ABAT: variants seen among roughly 807,000 people sequenced by gnomAD.
ABAT encodes the protein 4-aminobutyrate aminotransferase, mitochondrial.
Under a neutral mutation model 64.6 loss-of-function variants are expected in ABAT, and 45 were observed. The observed-to-expected ratio is 0.70, with a 90% confidence interval of 0.55 to 0.89. ABAT has a LOEUF of 0.89. Among genes scored for constraint, ABAT ranks in the 40% least tolerant of loss-of-function variants. The pLI is 0.00. For missense variants in ABAT, 633 were observed against 658.4 expected (o/e 0.96, Z 0.42); for synonymous variants, 297 against 250.5 (o/e 1.19, Z -1.75).
rs1442361166 is a variant in ABAT, at chr16:8,781,472, A to C, written c.*42A>C. On this transcript the variant is annotated 3_prime_UTR_variant, in exon 16 of 16. Transcript: ENST00000268251. The surrounding 1 kb of genome is among the most constrained non-coding windows in gnomAD (Gnocchi z 4.5). ...ACAGTGAGAAAGCCCGGATCCCAACAGTTGTCAAATTGATTAGTTTGCCTA... is the reference window on the plus strand; with the variant it reads ...ACAGTGAGAAAGCCCGGATCCCAACCGTTGTCAAATTGATTAGTTTGCCTA... 2.5e-6 allele frequency: 4 copies of C among 1,611,972 alleles called. No individual in the cohort carries two copies. Among genetic ancestry groups the C allele is most frequent in the Non-Finnish European group, 2.5e-6 (3 of 1,178,562 alleles).
intron 3 of ABAT, among the ~76,000 whole-genome samples, chr16:8,747,877 G>A (rs926394950): frequency 2.0e-5 from 3 of 151,852 alleles, no homozygotes; most frequent in Non-Finnish European, 4.4e-5. Flanking sequence ...TTATCTTTCA[G>A]GTGGCTGAAT....
intron 1 of ABAT, among the ~76,000 whole-genome samples, chr16:8,680,767 G>C (rs1465303183): frequency 1.3e-5 from 2 of 152,094 alleles, no homozygotes; most frequent in Non-Finnish European, 2.9e-5. Context: ...ACTGTGGCAG[G>C]TGTGAAGCAA....
intron 2 of ABAT, among the ~76,000 whole-genome samples, chr16:8,741,242 C>T (rs539454638): frequency 8.5e-5 from 13 of 152,246 alleles, no homozygotes; most frequent in Middle Eastern, 3.4e-3. Context: ...TAATTCAAAC[C>T]GGTTTTTTGC....
chr16:8,690,609 C>T (rs4454975), intron 1 of ABAT, among the ~76,000 whole-genome samples: 32,623 of 152,064 alleles, frequency 0.21, 3,963 homozygotes, highest in East Asian at 0.62. Context: ...GTGCCTTGAG[C>T]GGATCCGATG....
chr16:8,769,073 G>C (rs1411268449), intron 11 of ABAT, 100 bp downstream of exon 11: 1 of 1,533,042 alleles, frequency 6.5e-7, no homozygotes, highest in African/African-American at 1.4e-5. Context: ...GGTTTATCTG[G>C]GGATCTGTGC....
chr16:8,734,662 T>C (rs2058859051), intron 1 of ABAT, among the ~76,000 whole-genome samples: 1 of 152,188 alleles, frequency 6.6e-6, no homozygotes, highest in South Asian at 2.1e-4. Context: ...ACAGGGTCCA[T>C]GAAGAGGAAT....
chr16:8,738,744 A>C (rs191050288), intron 2 of ABAT, among the ~76,000 whole-genome samples: 2 of 151,548 alleles, frequency 1.3e-5, no homozygotes, highest in African/African-American at 4.9e-5. Flanking sequence ...TCCCGGATTC[A>C]AGTGATCCTC....
chr16:8,766,176 C>G (rs757588026), intron 8 of ABAT, 32 bp from the exon 9 acceptor site: 7 of 1,610,424 alleles, frequency 4.3e-6, no homozygotes, highest in Non-Finnish European at 5.9e-6. Context: ...CCCAGAGCAT[C>G]TCTGAGATTT....
chr16:8,695,890 G>A (rs908153083), intron 1 of ABAT, among the ~76,000 whole-genome samples: 2 of 152,114 alleles, frequency 1.3e-5, no homozygotes, highest in African/African-American at 4.8e-5. Flanking sequence ...ATTAAACAAT[G>A]CACAGAACCT....
At position 8,776,997 on chromosome 16, in the gene ABAT, C is replaced by T; in HGVS notation, c.1269+507C>T. Reference sequence around the variant, plus strand: ...CACCGCAACCGCTGCCTCCTGGGTTCAGGAGATTCTCCGGCCTCAGCCTCC... The same window carrying T: ...CACCGCAACCGCTGCCTCCTGGGTTTAGGAGATTCTCCGGCCTCAGCCTCC... On this transcript the variant is annotated intron_variant, in intron 14 of 15. Transcript: ENST00000268251. This position sits in a 1 kb window ranked among gnomAD's most constrained non-coding sequence, Gnocchi z 4.4. Among the ~76,000 whole-genome samples, 1 of 152,216 alleles carries T rather than the reference C, an allele frequency of 6.6e-6. No homozygotes were observed. Among genetic ancestry groups the T allele is most frequent in the Non-Finnish European group, 1.5e-5 (1 of 68,036 alleles).
At chr16:8,773,659 A>G (rs2060185801) in intron 12 of ABAT, among the ~76,000 whole-genome samples, 1 of 152,136 alleles carries the variant, frequency 6.6e-6, no homozygotes, top group African/African-American at 2.4e-5. Context: ...TTATTCTTCT[A>G]TCTAACTGTA....
chr16:8,756,004 GCT>G (rs1185236901), intron 5 of ABAT, among the ~76,000 whole-genome samples: 29 of 152,064 alleles, frequency 1.9e-4, no homozygotes, highest in African/African-American at 6.0e-4. Context: ...AGCCGAGATT[GCT>G]CCACTTCACT....
chr16:8,775,261 A>C (rs1786763414), intron 13 of ABAT, among the ~76,000 whole-genome samples: 1 of 111,558 alleles, frequency 9.0e-6, no homozygotes, highest in South Asian at 3.2e-4. Context: ...ACAGTCCACC[A>C]TCAGCCTTTT....
rs374659543 is a variant in ABAT at position 8,764,733 on chromosome 16, C to A, written c.448-5C>A. On this transcript the variant is annotated splice_polypyrimidine_tract_variant and splice_region_variant and intron_variant, in intron 7 of 15. Transcript: ENST00000268251. The surrounding 1 kb of genome is among the most constrained non-coding windows in gnomAD (Gnocchi z 4.2). The stretch of plus-strand genomic sequence containing the variant: ...CTGGGCTCACGGCTATTTCCCTCCC[C>A]ACAGGTGGCTCCCAAAGGGATGTCC... The A allele has an allele frequency of 5.6e-6, 9 of 1,613,850 alleles. No individual in the cohort carries two copies. The highest frequency in any genetic ancestry group is 1.7e-5 in the Admixed American group (1 of 60,002).
chr16:8,682,294 G>A (rs999849360), intron 1 of ABAT, among the ~76,000 whole-genome samples: 1 of 151,930 alleles, frequency 6.6e-6, no homozygotes, highest in South Asian at 2.1e-4. Context: ...TGCATGGATG[G>A]ACAGACACAA....
At chr16:8,775,437 TC>T (rs1205887297) in intron 13 of ABAT, among the ~76,000 whole-genome samples, 1 of 152,196 alleles carries the variant, frequency 6.6e-6, no homozygotes, top group Non-Finnish European at 1.5e-5. Flanking sequence ...TAATGAGGAA[TC>T]AGGCACAGAG....
chr16:8,732,083 C>G (rs2142327811), intron 1 of ABAT, among the ~76,000 whole-genome samples: 1 of 152,188 alleles, frequency 6.6e-6, no homozygotes, highest in Non-Finnish European at 1.5e-5. Context: ...GAACACCTGA[C>G]CTCAAGTGAT....
At position 8,774,922 on chromosome 16, in the gene ABAT, G is replaced by A. The variant is rs2060222338; in HGVS notation, c.987G>A (p.Gln329=). Reference sequence around the variant, plus strand: ...GCGCCTTCTTGGTGGACGAGGTCCAGACCGGAGGAGGCTGCACGGGCAAGT... The same window carrying A: ...GCGCCTTCTTGGTGGACGAGGTCCAAACCGGAGGAGGCTGCACGGGCAAGT... The part of the protein sequence containing the change: ...HGCAFLVDEV[Q]TGGGCTGKFW... The change falls in exon 13 of 16, where the codon CAG becomes CAA. Residue 329 remains glutamine (Q), a synonymous_variant. Transcript: ENST00000268251. The A allele has an allele frequency of 6.2e-7, 1 of 1,614,094 alleles. No individual in the cohort carries two copies. The highest frequency in any genetic ancestry group is 1.3e-5 in the African/African-American group (1 of 75,056).
At chr16:8,778,033 T>C (rs1267063025) in intron 14 of ABAT, among the ~76,000 whole-genome samples, 2 of 152,152 alleles carry the variant, frequency 1.3e-5, no homozygotes, top group East Asian at 3.9e-4. Context: ...ATGTCTCCAG[T>C]TTCTACCAAT....
Sources: gnomAD v4.1 joint callset for allele counts (sites outside exome capture counted in the v4.1 genomes callset) on GRCh38, gnomAD v4.1.1 for gene constraint, Gnocchi (gnomAD v3.1) non-coding constraint, MANE v1.5 for transcripts, NCBI Gene and HGNC (gene_info 2026-07-23, HGNC 2026-07-21) for gene names.